The following HS3ST4 variants were observed in gnomAD, a reference collection of about 807,000 sequenced individuals.
HS3ST4 encodes the protein heparan sulfate glucosamine 3-O-sulfotransferase 4.
Under a neutral mutation model 29.2 loss-of-function variants are expected in HS3ST4, and 17 were observed. The observed-to-expected ratio is 0.58, with a 90% CI of 0.40 to 0.87. HS3ST4 has a LOEUF of 0.87. HS3ST4 is among the 40% of genes least tolerant of loss of function. The probability of loss-of-function intolerance (pLI) is 0.00; values close to 1 mark genes in which losing one functional copy is unlikely to be tolerated. For missense variants in HS3ST4, 627 were observed against 634.5 expected (o/e 0.99, Z 0.13); for synonymous variants, 314 against 285.7 (o/e 1.10, Z -1.00).
intron 1 of HS3ST4, among the ~76,000 whole-genome samples, chr16:25,827,537 AAAAAAAAAAACAACAACAAGCTTTTGGT>A (rs796119596): frequency 2.3e-4 from 34 of 150,502 alleles, no homozygotes; most frequent in African/African-American, 8.4e-4. Context: ...TCTTCACAAA[AAAAAAAAAAACAACAACAAGCTTTTGGT>A]TTCTATCTTA....
At chr16:25,900,912 A>G (rs1381587457) in intron 1 of HS3ST4, among the ~76,000 whole-genome samples, 1 of 152,162 alleles carries the variant, frequency 6.6e-6, no homozygotes, top group African/African-American at 2.4e-5. Flanking sequence ...TCTAGATGCC[A>G]TGTTCTTCCT....
chr16:25,879,592 G>A (rs1967872486), intron 1 of HS3ST4, among the ~76,000 whole-genome samples: 1 of 151,994 alleles, frequency 6.6e-6, no homozygotes, highest in African/African-American at 2.4e-5. Flanking sequence ...ATCTCACACT[G>A]GGTCGCTCCC....
chr16:25,954,687 A>AG (rs1968711839), intron 1 of HS3ST4, among the ~76,000 whole-genome samples: 1 of 152,186 alleles, frequency 6.6e-6, no homozygotes, highest in African/African-American at 2.4e-5. Context: ...AATGCTTCAA[A>AG]ATCTGAAACT....
chr16:25,702,897 A>G (rs887477442), intron 1 of HS3ST4, among the ~76,000 whole-genome samples: 4 of 152,136 alleles, frequency 2.6e-5, no homozygotes, highest in Non-Finnish European at 5.9e-5. Context: ...ACGATGGCTC[A>G]CAACTGTAAT....
At chr16:25,982,966 A>G (rs764153509) in intron 1 of HS3ST4, among the ~76,000 whole-genome samples, 4 of 152,232 alleles carry the variant, frequency 2.6e-5, no homozygotes, top group Non-Finnish European at 4.4e-5. Flanking sequence ...GGTGGCAGGC[A>G]CTGTTCTGGG....
chr16:25,921,906 T>G lies in HS3ST4; in HGVS notation c.735-213706T>G, dbSNP rs552202836. ...AGTAGCTGGGACTACAGGCATGTGC[T>G]GCCATGCCTGGCTAATTTTTGTATT... On this transcript the variant is annotated intron_variant, in intron 1 of 1. Coordinates refer to ENST00000331351, the MANE Select transcript of HS3ST4 (RefSeq NM_006040.3). Among the ~76,000 whole-genome samples, 5 of 152,110 alleles carry G rather than the reference T, an allele frequency of 3.3e-5. No individual in the cohort carries two copies. The South Asian group carries it at 1.0e-3, about 32-fold the overall frequency.
chr16:25,840,504 G>C (rs1967401831), intron 1 of HS3ST4, among the ~76,000 whole-genome samples: 1 of 152,086 alleles, frequency 6.6e-6, no homozygotes, highest in Non-Finnish European at 1.5e-5. Flanking sequence ...TCATCACGTA[G>C]CTTCCAGCCT....
chr16:25,931,459 C>T (rs988020522), intron 1 of HS3ST4, among the ~76,000 whole-genome samples: 7 of 152,228 alleles, frequency 4.6e-5, no homozygotes, highest in African/African-American at 1.7e-4. Flanking sequence ...GTGCAGGGCA[C>T]AAACGATAAC....
At chr16:26,038,439 C>T (rs1251350915) in intron 1 of HS3ST4, among the ~76,000 whole-genome samples, 1 of 152,068 alleles carries the variant, frequency 6.6e-6, no homozygotes, top group Non-Finnish European at 1.5e-5. Context: ...GTCTGTTTCC[C>T]CACTATAGCC....
rs192745741 is a variant in HS3ST4 at position 25,769,561 on chromosome 16, T to C, written c.734+76410T>C. Among the ~76,000 whole-genome samples the C allele has an allele frequency of 1.9e-3, 288 of 152,308 alleles. 1 individual carries two copies. Among genetic ancestry groups the C allele is most frequent in the Non-Finnish European group, 3.4e-3 (228 of 68,032 alleles). On this transcript the variant is annotated intron_variant, in intron 1 of 1. Coordinates refer to ENST00000331351, the MANE Select transcript of HS3ST4 (RefSeq NM_006040.3). ...AGCCGTCTCCTTGAGAGATGTGTGC[T>C]CAGCAGGTGGTACCAGGCAGGGCTT...
At position 25,969,265 on chromosome 16, in the gene HS3ST4, A is replaced by G. The variant is rs532264314; in HGVS notation, c.735-166347A>G. 4.2e-4 allele frequency among the ~76,000 whole-genome samples: 64 copies of G among 152,316 alleles called. 1 individual carries two copies. The South Asian group carries it at 7.9e-3, about 19-fold the overall frequency. ...CCTTTAGTGTTTCTCTTTTGCTCTCATACTGTGGGCCCAGTGTTTTTGGAG... is the reference window on the plus strand; with the variant it reads ...CCTTTAGTGTTTCTCTTTTGCTCTCGTACTGTGGGCCCAGTGTTTTTGGAG... On this transcript the variant is annotated intron_variant, in intron 1 of 1. Coordinates refer to ENST00000331351, the MANE Select transcript of HS3ST4 (RefSeq NM_006040.3).
chr16:25,828,301 C>CTTTCCCT (rs1555467593), intron 1 of HS3ST4, among the ~76,000 whole-genome samples: 4 of 32,890 alleles, frequency 1.2e-4, no homozygotes, highest in East Asian at 9.9e-4. Flanking sequence ...TCTTTCTTTC[C>CTTTCCCT]CTCTCTCTCT....
chr16:26,090,323 T>C (rs1898841619), intron 1 of HS3ST4, among the ~76,000 whole-genome samples: 1 of 147,334 alleles, frequency 6.8e-6, no homozygotes, highest in South Asian at 2.2e-4. Flanking sequence ...GGGATGTTTA[T>C]GATCCTTTCG....
At chr16:26,127,262 C>T (rs1320761583) in intron 1 of HS3ST4, among the ~76,000 whole-genome samples, 2 of 152,214 alleles carry the variant, frequency 1.3e-5, no homozygotes, top group East Asian at 1.9e-4. Context: ...AATTCCTAAA[C>T]GTTGCTCCCC....
chr16:25,760,140 C>G (rs961205312), intron 1 of HS3ST4, among the ~76,000 whole-genome samples: 1 of 152,126 alleles, frequency 6.6e-6, no homozygotes, highest in African/African-American at 2.4e-5. Flanking sequence ...AACTCTAACC[C>G]TAACCCTAAC....
chr16:25,892,753 C>T (rs1379171760), intron 1 of HS3ST4, among the ~76,000 whole-genome samples: 1 of 152,124 alleles, frequency 6.6e-6, no homozygotes, highest in East Asian at 1.9e-4. Context: ...CATTACCCGC[C>T]CTCCTTTTCC....
At chr16:25,998,757 T>C (rs1235823915) in intron 1 of HS3ST4, among the ~76,000 whole-genome samples, 1 of 152,106 alleles carries the variant, frequency 6.6e-6, no homozygotes, top group Admixed American at 6.6e-5. Context: ...AAAAAATCCT[T>C]ACTTCCTGGG....
At chr16:25,805,148 A>G (rs1966977676) in intron 1 of HS3ST4, among the ~76,000 whole-genome samples, 1 of 152,180 alleles carries the variant, frequency 6.6e-6, no homozygotes, top group Non-Finnish European at 1.5e-5. Flanking sequence ...TCCTAATATG[A>G]TAAATTTATT....
At chr16:25,767,620 C>G (rs1458016057) in intron 1 of HS3ST4, among the ~76,000 whole-genome samples, 1 of 152,188 alleles carries the variant, frequency 6.6e-6, no homozygotes, top group African/African-American at 2.4e-5. Flanking sequence ...AACACAGGTA[C>G]AGGCCATTTT....
Sources: allele counts gnomAD v4.1 joint callset (sites outside exome capture counted in the v4.1 genomes callset), GRCh38; gene constraint gnomAD v4.1.1; transcripts MANE v1.5; gene names NCBI Gene and HGNC (gene_info 2026-07-23, HGNC 2026-07-21).